Variants in ANKRD30A observed in about 807,000 individuals in gnomAD.
The protein encoded by ANKRD30A is ankyrin repeat domain 30A, also known as ankyrin repeat domain-containing protein 30A.
A neutral mutation model predicts 166.3 loss-of-function variants in ANKRD30A; 170 were observed. The observed-to-expected ratio is 1.02, with a 90% CI of 0.90 to 1.16. ANKRD30A has a LOEUF of 1.16. Ranked by LOEUF, ANKRD30A falls within the 50% of genes most tolerant of loss-of-function variation. The pLI, the probability that ANKRD30A is intolerant of heterozygous loss-of-function variation, is 0.00. For synonymous variants in ANKRD30A, 564 were observed against 508.9 expected (o/e 1.11, Z -1.46); for missense variants, 1,630 against 1,518.0 (o/e 1.07, Z -1.23).
chr10:37,206,626 C>A (rs1051049609), intron 31 of ANKRD30A, among the ~76,000 whole-genome samples: 1 of 152,106 alleles, frequency 6.6e-6, no homozygotes, highest in Admixed American at 6.5e-5. Flanking sequence ...CCAGTCTCTA[C>A]TAAAAATACA....
rs878939747 is a variant in ANKRD30A, at chr10:37,132,267, A to G, written c.538A>G (p.Ile180Val). Residue 180 changes from isoleucine to valine, a missense_variant, in exon 4 of 36, where the codon ATA (isoleucine) becomes GTA (valine). Ile to Val is a conservative substitution (Grantham distance 29). This residue lies in a region of ANKRD30A where 904 missense variants were observed against 818.5 expected (regional missense o/e 1.10). Transcript: ENST00000361713. ...TAGCCTCACACCACTTTTACTATCCATAACGAAAAGAAGTGAGCAAATTGT... is the reference window on the plus strand; with the variant it reads ...TAGCCTCACACCACTTTTACTATCCGTAACGAAAAGAAGTGAGCAAATTGT... ...KASLTPLLLS[I>V]TKRSEQIVEF... 9.4e-6 allele frequency: 15 copies of G among 1,603,240 alleles called. No homozygotes were observed. The highest frequency in any genetic ancestry group is 5.4e-5 in the African/African-American group (4 of 74,568).
chr10:37,171,581 A>G (rs1241920645), intron 21 of ANKRD30A, among the ~76,000 whole-genome samples: 1 of 151,746 alleles, frequency 6.6e-6, no homozygotes, highest in African/African-American at 2.4e-5. Flanking sequence ...AGATGCTCAG[A>G]TCAGAAGCTA....
chr10:37,151,988 A>C, intron 11 of ANKRD30A, 72 bp from the exon 12 acceptor site: 1 of 1,360,088 alleles, frequency 7.4e-7, no homozygotes, highest in Non-Finnish European at 1.0e-6. Flanking sequence ...ATGAAAGTAG[A>C]TTTGTATATG....
the ANKRD30A span, among the ~76,000 whole-genome samples, chr10:37,238,009 A>G: frequency 6.6e-6 from 1 of 152,342 alleles, no homozygotes; most frequent in South Asian, 2.1e-4. Context: ...TATACTTGAA[A>G]ATATGCATAA....
At chr10:37,247,994 C>T in the ANKRD30A span, 2 of 311,820 alleles carry the variant, frequency 6.4e-6, no homozygotes, top group South Asian at 6.8e-5. Context: ...TTGTAACAAG[C>T]CTGCTCATGT....
intron 31 of ANKRD30A, among the ~76,000 whole-genome samples, chr10:37,210,257 C>G (rs2132717345): frequency 6.6e-6 from 1 of 152,248 alleles, no homozygotes; most frequent in East Asian, 1.9e-4. Context: ...ATGATGGTTT[C>G]CAGCTTCATC....
intron 5 of ANKRD30A, chr10:37,135,445 A>T (rs1328864163): frequency 6.6e-6 from 1 of 152,254 alleles, no homozygotes; most frequent in Non-Finnish European, 1.5e-5. Context: ...TGTGATTTTC[A>T]TACAAAAAAT....
chr10:37,212,352 G>T (rs1446068793), intron 31 of ANKRD30A, among the ~76,000 whole-genome samples: 1 of 151,896 alleles, frequency 6.6e-6, no homozygotes, highest in East Asian at 1.9e-4. Flanking sequence ...ACAAACCACT[G>T]CCCAATGAAA....
chr10:37,172,064 G>A (rs1327419653), intron 21 of ANKRD30A, among the ~76,000 whole-genome samples: 1 of 141,670 alleles, frequency 7.1e-6, no homozygotes, highest in Non-Finnish European at 1.6e-5. Flanking sequence ...AAAAAATGGT[G>A]ACCGGGTGCG....
intron 3 of ANKRD30A, among the ~76,000 whole-genome samples, chr10:37,131,315 G>T (rs1257158615): frequency 6.6e-6 from 1 of 152,044 alleles, no homozygotes; most frequent in Non-Finnish European, 1.5e-5. Context: ...AATTACAATA[G>T]AAACCAGAAT....
chr10:37,172,219 C>T (rs1200888), intron 21 of ANKRD30A, among the ~76,000 whole-genome samples: 17,806 of 58,440 alleles, frequency 0.3, 1,880 homozygotes, highest in East Asian at 0.58. Flanking sequence ...GTGGCACGCA[C>T]TTCTAATAAT....
chr10:37,149,352 G>A lies in ANKRD30A; in HGVS notation c.1544-299G>A, dbSNP rs541118856. ...TCTAATATGTTTCATTAAGTACGTG[G>A]TGTAGCATTCCATGTTCAGCTTTGA... is the stretch of plus-strand genomic sequence containing the variant. On this transcript the variant is annotated intron_variant, in intron 9 of 35. Transcript: ENST00000361713. Among the ~76,000 whole-genome samples the A allele has an allele frequency of 4.6e-5, 7 of 152,048 alleles. No homozygotes were observed. In the South Asian group the frequency reaches 6.2e-4, roughly 14 times the overall value.
chr10:37,233,950 T>C (rs1039578595), downstream of ANKRD30A, among the ~76,000 whole-genome samples: 2 of 152,188 alleles, frequency 1.3e-5, no homozygotes, highest in Non-Finnish European at 2.9e-5. Flanking sequence ...ATAGCATTGA[T>C]ACTGAATTTA....
At chr10:37,132,781 T>C (rs971835331) in intron 4 of ANKRD30A, among the ~76,000 whole-genome samples, 25 of 152,172 alleles carry the variant, frequency 1.6e-4, no homozygotes, top group African/African-American at 5.8e-4. Context: ...TTGGATCACT[T>C]GAGGCCAGGA....
intron 9 of ANKRD30A, among the ~76,000 whole-genome samples, chr10:37,148,947 T>C (rs1837708789): frequency 1.3e-5 from 2 of 151,978 alleles, no homozygotes; most frequent in African/African-American, 4.8e-5. Context: ...GTGGTGACTT[T>C]ATAATATAAA....
At chr10:37,166,156 T>A (rs919457801) in intron 18 of ANKRD30A, among the ~76,000 whole-genome samples, 1 of 152,158 alleles carries the variant, frequency 6.6e-6, no homozygotes, top group African/African-American at 2.4e-5. Context: ...CATCATGACA[T>A]GCATGATTTT....
At chr10:37,194,275 G>A (rs372726584) in intron 27 of ANKRD30A, among the ~76,000 whole-genome samples, 9 of 152,040 alleles carry the variant, frequency 5.9e-5, no homozygotes, top group Admixed American at 2.0e-4. Context: ...TGTCTTATAG[G>A]CTATGTGTAG....
chr10:37,139,471 G>A (rs533521788), intron 6 of ANKRD30A, among the ~76,000 whole-genome samples: 1 of 152,292 alleles, frequency 6.6e-6, no homozygotes, highest in Non-Finnish European at 1.5e-5. Flanking sequence ...GGTGATCAAA[G>A]GTTAGTCTTA....
intron 11 of ANKRD30A, 97 bp from the exon 12 acceptor site, chr10:37,151,963 A>G (rs1837970499): frequency 6.2e-6 from 7 of 1,122,418 alleles, no homozygotes; most frequent in Non-Finnish European, 7.6e-6. Context: ...CAGAGGAAAA[A>G]CCACAGATTC....
Sources: gnomAD v4.1 joint callset for allele counts (sites outside exome capture counted in the v4.1 genomes callset) on GRCh38, gnomAD v4.1.1 for gene constraint, gnomAD v4.1.1 regional missense constraint, MANE v1.5 for transcripts, NCBI Gene and HGNC (gene_info 2026-07-23, HGNC 2026-07-21) for gene names.